Variants in SFRP1 observed in about 807,000 individuals in gnomAD.
The protein encoded by SFRP1 is secreted frizzled-related protein 1.
SFRP1 carries 9 observed loss-of-function variants against 25.9 expected under a neutral mutation model. The observed-to-expected ratio is 0.35, with a 90% CI of 0.21 to 0.61. The LOEUF is 0.61. SFRP1 is among the 20% of genes least tolerant of loss of function. The probability of loss-of-function intolerance (pLI) is 0.78; values close to 1 mark genes in which losing one functional copy is unlikely to be tolerated. For missense variants in SFRP1, 346 were observed against 418.2 expected, an observed-to-expected ratio of 0.83 and a Z score of 1.51; for synonymous variants, 178 against 174.0, an observed-to-expected ratio of 1.02 and a Z score of -0.18.
At chr8:41,291,287 C>T (rs961115745) in intron 2 of SFRP1, among the ~76,000 whole-genome samples, 2 of 152,076 alleles carry the variant, frequency 1.3e-5, no homozygotes, top group Non-Finnish European at 2.9e-5. Context: ...ACCAACAAGG[C>T]CAAATCTCCA....
chr8:41,308,603 G>A lies in SFRP1; in HGVS notation c.544+13C>T. 3 of 1,568,274 alleles carry A rather than the reference G, an allele frequency of 1.9e-6. No individual in the cohort carries two copies. Among genetic ancestry groups the A allele is most frequent in the South Asian group, 1.2e-5 (1 of 85,706 alleles). The stretch of plus-strand genomic sequence containing the variant: ...AGGGGGCGGCTCGCGCACGTGGGAG[G>A]AGGCAGCCTTACCTTGGGGCTTGGA... On this transcript the variant is annotated intron_variant, in intron 1 of 2. Transcript: ENST00000220772.
At chr8:41,272,563 T>C (rs1803523443) in intron 2 of SFRP1, among the ~76,000 whole-genome samples, 1 of 152,178 alleles carries the variant, frequency 6.6e-6, no homozygotes, top group Non-Finnish European at 1.5e-5. Flanking sequence ...GAGCTGAGAT[T>C]ACACCACTGC....
Position 41,290,875 on chromosome 8 carries a change from CTCTTCCT to C in SFRP1, c.622+12579_622+12585del, listed in dbSNP as rs1803767929. On this transcript the variant is annotated intron_variant, in intron 2 of 2. Coordinates refer to ENST00000220772, the MANE Select transcript of SFRP1 (RefSeq NM_003012.5). ...ATGAGGTCTTTGTCTTCTTCTCCTC[CTCTTCCT>C]CGTCTTTTTTTTTTTTTTTTTTTTT... is the stretch of plus-strand genomic sequence containing the variant. Among the ~76,000 whole-genome samples, 6 of 123,684 alleles carry C rather than the reference CTCTTCCT, an allele frequency of 4.9e-5. 2 individuals are homozygous for C. Among genetic ancestry groups the C allele is most frequent in the East Asian group, 5.3e-4 (2 of 3,794 alleles). 81.1% of individuals were successfully genotyped at this position (123,684 alleles called of 152,430 possible). A position where few individuals can be genotyped will look rare whatever the true frequency, so the allele number is the denominator to read the frequency against.
At position 41,292,750 on chromosome 8, in the gene SFRP1, C is replaced by T. The variant is rs148191852; in HGVS notation, c.622+10711G>A. ...TAAGCAGGGCTCAGTAGAAGCCCAACGATTGTTGAATCATCTCTGCAAGAG... is the reference window on the plus strand; with the variant it reads ...TAAGCAGGGCTCAGTAGAAGCCCAATGATTGTTGAATCATCTCTGCAAGAG... On this transcript the variant is annotated intron_variant, in intron 2 of 2. Coordinates refer to ENST00000220772, the MANE Select transcript of SFRP1 (RefSeq NM_003012.5). 4.0e-3 allele frequency among the ~76,000 whole-genome samples: 615 copies of T among 152,288 alleles called. 3 individuals carry two copies. Among genetic ancestry groups the T allele is most frequent in the African/African-American group, 0.014 (591 of 41,556 alleles).
chr8:41,266,378 T>C (rs1315954579), intron 2 of SFRP1, among the ~76,000 whole-genome samples: 1 of 152,210 alleles, frequency 6.6e-6, no homozygotes, highest in African/African-American at 2.4e-5. Flanking sequence ...TTACTCCACA[T>C]GATCTGATGC....
In SFRP1 at chr8:41,308,605, G is replaced by A. The variant is rs369651826; in HGVS notation, c.544+11C>T. On this transcript the variant is annotated intron_variant, in intron 1 of 2. Transcript: ENST00000220772. Reference sequence around the variant, plus strand: ...GGGGCGGCTCGCGCACGTGGGAGGAGGCAGCCTTACCTTGGGGCTTGGAGG... The same window carrying A: ...GGGGCGGCTCGCGCACGTGGGAGGAAGCAGCCTTACCTTGGGGCTTGGAGG... The A allele has an allele frequency of 1.5e-5, 23 of 1,570,308 alleles. No homozygotes were observed. The highest frequency in any genetic ancestry group is 2.6e-6 in the Non-Finnish European group (3 of 1,152,016).
In SFRP1 at chr8:41,308,790, G is replaced by A. The variant is rs535023429; in HGVS notation, c.370C>T (p.Arg124Trp). Reference protein sequence around the residue: ...CSLFAPVCLDRPIYPCRWLCE... With the variant: ...CSLFAPVCLDWPIYPCRWLCE... ...AGCCAGCGACACGGGTAGATGGGCC[G>A]GTCCAGGCAGACGGGCGCGAAGAGC... Residue 124 changes from arginine to tryptophan, a missense_variant, in exon 1 of 3, where the codon CGG (arginine) becomes TGG (tryptophan). Arg to Trp is a moderately radical substitution (Grantham distance 101). Transcript: ENST00000220772. The A allele has an allele frequency of 8.7e-5, 140 of 1,610,916 alleles. No individual in the cohort carries two copies. In the South Asian group the frequency reaches 1.5e-3, roughly 17 times the overall value.
chr8:41,294,564 C>T (rs1803817118), intron 2 of SFRP1, among the ~76,000 whole-genome samples: 1 of 152,170 alleles, frequency 6.6e-6, no homozygotes, highest in African/African-American at 2.4e-5. Context: ...TTACAACTCA[C>T]AGACATCCTT....
At chr8:41,306,583 G>A in intron 1 of SFRP1, 5 of 1,001,396 alleles carry the variant, frequency 5.0e-6, no homozygotes, top group Non-Finnish European at 5.8e-6. Context: ...CAGTCCTGGG[G>A]AGGGTGGTGT....
In SFRP1 at chr8:41,309,454, G is replaced by C. The variant is rs1271631153; in HGVS notation, c.-295C>G. 1 of 154,574 alleles carries C rather than the reference G, an allele frequency of 6.5e-6. No individual in the cohort carries two copies. Among genetic ancestry groups the C allele is most frequent in the Middle Eastern group, 3.0e-3 (1 of 330 alleles). 9.6% of individuals were successfully genotyped at this position (154,574 alleles called of 1,614,324 possible). A position where few individuals can be genotyped will look rare whatever the true frequency, so the allele number is the denominator to read the frequency against. Reference sequence around the variant, plus strand: ...CGGGCGCGCGGCACTGACTCCGGAGGCTGCAGGGCTGGAGTGCGCGGGGCT... The same window carrying C: ...CGGGCGCGCGGCACTGACTCCGGAGCCTGCAGGGCTGGAGTGCGCGGGGCT... On this transcript the variant is annotated 5_prime_UTR_variant, in exon 1 of 3. Coordinates refer to ENST00000220772, the MANE Select transcript of SFRP1 (RefSeq NM_003012.5).
chr8:41,263,224 TC>T lies in SFRP1; in HGVS notation c.*1942del, dbSNP rs1209118553. The T allele has an allele frequency of 6.5e-6, 1 of 152,680 alleles. No individual in the cohort carries two copies. Among genetic ancestry groups the T allele is most frequent in the African/African-American group, 2.4e-5 (1 of 41,456 alleles). 9.5% of individuals were successfully genotyped at this position (152,680 alleles called of 1,614,324 possible). ...CGCACTCAGGAACTTGCTCTGAATT[TC>T]AGTTTGACAACAGAGAAGTAGAATA... On this transcript the variant is annotated 3_prime_UTR_variant, in exon 3 of 3. Transcript: ENST00000220772.
At chr8:41,275,442 G>T (rs368331593) in intron 2 of SFRP1, 6 of 229,038 alleles carry the variant, frequency 2.6e-5, no homozygotes, top group Admixed American at 5.5e-5. Context: ...GGGGCCTAAA[G>T]TTCCCAAAGA....
rs192751449 is a variant in SFRP1, at chr8:41,306,766, A to C, written c.544+1850T>G. On this transcript the variant is annotated intron_variant, in intron 1 of 2. Coordinates refer to ENST00000220772, the MANE Select transcript of SFRP1 (RefSeq NM_003012.5). ...GTGGAGGTGAGTGAGGACGGTTCCA[A>C]GCCAGGCTGAGAAGGGCGCCGACCA... 210 of 1,598,164 alleles carry C rather than the reference A, an allele frequency of 1.3e-4. No individual in the cohort carries two copies. The East Asian group carries it at 4.5e-3, about 34-fold the overall frequency.
At chr8:41,267,433 AGGAGTTG>A (rs1803448923) in intron 2 of SFRP1, among the ~76,000 whole-genome samples, 2 of 152,312 alleles carry the variant, frequency 1.3e-5, no homozygotes, top group South Asian at 4.2e-4. Flanking sequence ...ATATTCCCAA[AGGAGTTG>A]GAAATCACTT....
intron 2 of SFRP1, among the ~76,000 whole-genome samples, chr8:41,268,850 C>T (rs1172810388): frequency 6.6e-6 from 1 of 152,256 alleles, no homozygotes; most frequent in Non-Finnish European, 1.5e-5. Context: ...TCCCATCATG[C>T]TCACAGGGCC....
chr8:41,291,822 T>G (rs952630020), intron 2 of SFRP1, among the ~76,000 whole-genome samples: 2 of 152,082 alleles, frequency 1.3e-5, no homozygotes, highest in African/African-American at 4.8e-5. Context: ...GGAAACACCA[T>G]GAGGAGCAGC....
At position 41,304,239 on chromosome 8, in the gene SFRP1, G is replaced by A. The variant is rs190132137; in HGVS notation, c.545-701C>T. On this transcript the variant is annotated intron_variant, in intron 1 of 2. Transcript: ENST00000220772. ...GTTTGTGGGGGCAGACGTGCATAAC[G>A]TTGGAAGGCAGCTCCACTGCCTGGG... 4.0e-4 allele frequency among the ~76,000 whole-genome samples: 61 copies of A among 152,248 alleles called. 1 individual carries two copies. The South Asian group carries it at 6.2e-3, about 16-fold the overall frequency.
intron 2 of SFRP1, among the ~76,000 whole-genome samples, chr8:41,282,523 C>CA (rs1224938322): frequency 6.8e-6 from 1 of 147,228 alleles, no homozygotes; most frequent in East Asian, 2.0e-4. Flanking sequence ...CAAAAACACA[C>CA]AAAAAATGCT....
intron 1 of SFRP1, chr8:41,306,943 G>T (rs1360859216): frequency 6.5e-7 from 1 of 1,532,548 alleles, no homozygotes; most frequent in Non-Finnish European, 8.7e-7. Flanking sequence ...CCTGTGGACT[G>T]CAGCACCTTT....
Sources: gnomAD v4.1 joint callset for allele counts (sites outside exome capture counted in the v4.1 genomes callset) on GRCh38, gnomAD v4.1.1 for gene constraint, MANE v1.5 for transcripts, NCBI Gene and HGNC (gene_info 2026-07-23, HGNC 2026-07-21) for gene names.